The following VPS9D1 variants were observed in gnomAD, a reference collection of about 807,000 sequenced individuals.
VPS9D1 encodes the protein VPS9 domain containing 1.
VPS9D1 carries 78 observed loss-of-function variants against 75.8 expected under a neutral mutation model. The observed-to-expected ratio is 1.03, with a 90% CI of 0.86 to 1.24. The LOEUF (loss-of-function observed/expected upper bound fraction) is 1.24. VPS9D1 is among the 50% of genes most tolerant of loss of function. The pLI, the probability that VPS9D1 is intolerant of heterozygous loss-of-function variation, is 0.00. For synonymous variants in VPS9D1, 481 were observed against 385.6 expected, an observed-to-expected ratio of 1.25 and a Z score of -2.90; for missense variants, 1,057 against 847.7, an observed-to-expected ratio of 1.25 and a Z score of -3.07.
In VPS9D1 at chr16:89,711,432, G is replaced by A. The variant is rs2060917165; in HGVS notation, c.748-20C>T. On this transcript the variant is annotated intron_variant, in intron 8 of 14. Transcript: ENST00000389386. The stretch of plus-strand genomic sequence containing the variant: ...CCAGTCCTACGGGACAGGGGGCCTT[G>A]AAGGAAAGCACGGTGGGTCCGCCAC... 1 of 1,591,896 alleles carries A rather than the reference G, an allele frequency of 6.3e-7. No homozygotes were observed. Among genetic ancestry groups the A allele is most frequent in the African/African-American group, 1.3e-5 (1 of 74,414 alleles).
At position 89,707,945 on chromosome 16, in the gene VPS9D1, G is replaced by A. The variant is rs781264612; in HGVS notation, c.1812C>T (p.Ile604=). ...ATGTGAGGCAGTAGCCCTCCTCTCC[G>A]ATCAGGTACCTGCATGGATGGCAGG... ...LEEFIHEGYL[I]GEEGYCLTSL... Residue 604 remains isoleucine (I), a synonymous_variant, in exon 15 of 15, where the codon ATC becomes ATT. Coordinates refer to ENST00000389386, the MANE Select transcript of VPS9D1 (RefSeq NM_004913.3). The A allele has an allele frequency of 4.0e-5, 65 of 1,612,930 alleles. No homozygotes were observed. Among genetic ancestry groups the A allele is most frequent in the South Asian group, 1.8e-4 (16 of 91,078 alleles).
chr16:89,720,286 G>T, intron 1 of VPS9D1: 1 of 568,104 alleles, frequency 1.8e-6, no homozygotes, highest in Non-Finnish European at 2.2e-6. Context: ...CCCATCTCAG[G>T]AACGGGCCAC....
chr16:89,712,149 T>C, intron 6 of VPS9D1, 50 bp from the exon 7 acceptor site: 1 of 1,546,450 alleles, frequency 6.5e-7, no homozygotes, highest in Non-Finnish European at 8.7e-7. Context: ...GGGCCCTCGG[T>C]TCCCAACCCC....
At chr16:89,716,430 G>C in intron 4 of VPS9D1, 32 bp downstream of exon 4, 2 of 1,612,272 alleles carry the variant, frequency 1.2e-6, no homozygotes, top group Non-Finnish European at 1.7e-6. Context: ...CCAATCCCAG[G>C]CTCATCCCAC....
In VPS9D1 at chr16:89,716,510, G is replaced by C. The variant is rs757852765; in HGVS notation, c.383C>G (p.Pro128Arg). ...EGGKLSPFLP[P>R]EIFQKLQGAE... ...CCCCTGAAGCTTCTGGAAGATCTCGGGTGGCAGAAAAGGAGAGAGCTTTCC... is the reference window on the plus strand; with the variant it reads ...CCCCTGAAGCTTCTGGAAGATCTCGCGTGGCAGAAAAGGAGAGAGCTTTCC... Residue 128 changes from proline (P) to arginine (R), a missense_variant, in exon 4 of 15, where the codon CCC becomes CGC. Coordinates refer to ENST00000389386, the MANE Select transcript of VPS9D1 (RefSeq NM_004913.3). 8.1e-6 allele frequency: 13 copies of C among 1,613,952 alleles called. No homozygotes were observed. In the South Asian group the frequency reaches 8.8e-5, roughly 11 times the overall value.
In VPS9D1 at chr16:89,710,644, C is replaced by T. The variant is rs781207698; in HGVS notation, c.1200G>A (p.Gln400=). The change falls in exon 10 of 15, where the codon CAG becomes CAA. Residue 400 remains glutamine, a synonymous_variant. Coordinates refer to ENST00000389386, the MANE Select transcript of VPS9D1 (RefSeq NM_004913.3). ...TCAGCTGCTGCAGCTGGGGCTCCGG[C>T]TGTACCCCACGGCCCCGGCCCTGCC... ...SERQGRGRGV[Q]PEPQLQQLKT... The T allele has an allele frequency of 1.2e-6, 2 of 1,611,608 alleles. No homozygotes were observed. Among genetic ancestry groups the T allele is most frequent in the Non-Finnish European group, 8.5e-7 (1 of 1,179,144 alleles).
intron 11 of VPS9D1, 54 bp from the exon 12 acceptor site, chr16:89,709,489 A>T: frequency 2.0e-6 from 3 of 1,469,774 alleles, no homozygotes; most frequent in Non-Finnish European, 2.7e-6. Context: ...CCCTGGGGAC[A>T]GAAGCAGGGC....
chr16:89,707,755 G>C lies in VPS9D1; in HGVS notation c.*106C>G. The C allele has an allele frequency of 1.0e-6, 1 of 985,282 alleles. No individual in the cohort carries two copies. Among genetic ancestry groups the C allele is most frequent in the South Asian group, 1.4e-5 (1 of 69,744 alleles). The allele number at this position is 985,282 out of a possible 1,614,324, so 61.0% of individuals were successfully genotyped here. Reference sequence around the variant, plus strand: ...AAGCCCCCACCATGTGCAGAGCAGCGTGAGGCTCCAGGATGGTCCTCAGTA... The same window carrying C: ...AAGCCCCCACCATGTGCAGAGCAGCCTGAGGCTCCAGGATGGTCCTCAGTA... On this transcript the variant is annotated 3_prime_UTR_variant, in exon 15 of 15. Transcript: ENST00000389386.
At position 89,716,517 on chromosome 16, in the gene VPS9D1, G is replaced by T; in HGVS notation, c.376C>A (p.Leu126Met). 1 of 1,614,122 alleles carries T rather than the reference G, an allele frequency of 6.2e-7. No homozygotes were observed. Among genetic ancestry groups the T allele is most frequent in the Non-Finnish European group, 8.5e-7 (1 of 1,180,014 alleles). Residue 126 changes from leucine (L) to methionine (M), a missense_variant, in exon 4 of 15, where the codon CTG (leucine) becomes ATG (methionine). Coordinates refer to ENST00000389386, the MANE Select transcript of VPS9D1 (RefSeq NM_004913.3). ...SDEGGKLSPF[L>M]PPEIFQKLQG... ...AGCTTCTGGAAGATCTCGGGTGGCA[G>T]AAAAGGAGAGAGCTTTCCTCCTTCA...
At chr16:89,717,149 T>A (rs1332340976) in intron 2 of VPS9D1, among the ~76,000 whole-genome samples, 1 of 131,606 alleles carries the variant, frequency 7.6e-6, no homozygotes, top group Non-Finnish European at 1.6e-5. Flanking sequence ...AGCCGACTAT[T>A]CCTCATGGAC....
chr16:89,709,467 C>T, intron 11 of VPS9D1, 32 bp from the exon 12 acceptor site: 1 of 1,493,536 alleles, frequency 6.7e-7, no homozygotes, highest in Non-Finnish European at 8.8e-7. Flanking sequence ...CTAAGCTGCC[C>T]CAGGGACCTT....
At position 89,708,448 on chromosome 16, in the gene VPS9D1, A is replaced by G. The variant is rs752813005; in HGVS notation, c.1781T>C (p.Leu594Pro). Residue 594 changes from leucine (L) to proline (P), a missense_variant, in exon 14 of 15, where the codon CTG (leucine) becomes CCG (proline). Physicochemically the swap from Leu to Pro is moderately conservative, Grantham distance 98. Transcript: ENST00000389386. ...LPQLVSECAALEEFIHEGYLI... is the reference protein window; with the variant it reads ...LPQLVSECAAPEEFIHEGYLI... ...CTACCCCTCGTGGATGAACTCCTCC[A>G]GGGCCGCGCACTCCGACACCAGCTG... is the stretch of plus-strand genomic sequence containing the variant. 4 of 1,612,526 alleles carry G rather than the reference A, an allele frequency of 2.5e-6. No individual in the cohort carries two copies. Among genetic ancestry groups the G allele is most frequent in the East Asian group, 2.2e-5 (1 of 44,870 alleles).
At position 89,720,842 on chromosome 16, in the gene VPS9D1, TC is replaced by T. The variant is rs1420411881; in HGVS notation, c.19del (p.Asp7ThrfsTer4). 7.0e-6 allele frequency: 10 copies of T among 1,425,710 alleles called. No individual in the cohort carries two copies. Among genetic ancestry groups the T allele is most frequent in the South Asian group, 2.8e-5 (2 of 70,306 alleles). 88.3% of individuals were successfully genotyped at this position (1,425,710 alleles called of 1,614,324 possible). On this transcript the variant is annotated frameshift_variant, in exon 1 of 15. Transcript: ENST00000389386. LOFTEE classifies it high-confidence loss of function. ...GCTCTGCAGCGGCTTCACCGTGCCG[TC>T]CCCGGCCGCAGCGGCCATGGCGCCG... Reference protein sequence around the residue: MAAAAGDGTVKPLQSAM... With the variant: MAAAAGXGTVKPLQSAM...
chr16:89,711,221 G>C (rs1433941064), intron 9 of VPS9D1, 106 bp downstream of exon 9: 8 of 1,316,116 alleles, frequency 6.1e-6, no homozygotes, highest in African/African-American at 1.5e-5. Context: ...ACGTGGCCGG[G>C]CACAGGCTCC....
Position 89,716,754 on chromosome 16 carries a change from C to T in VPS9D1, c.244G>A (p.Ala82Thr). 3.8e-6 allele frequency: 6 copies of T among 1,590,556 alleles called. No homozygotes were observed. Among genetic ancestry groups the T allele is most frequent in the Non-Finnish European group, 4.3e-6 (5 of 1,169,538 alleles). The stretch of plus-strand genomic sequence containing the variant: ...CCAAGCTTGGCGGCCGTCGACTGGG[C>T]CCTCTCCAGACACTGCTGTGCTAGC... ...LKLAQQCLER[A>T]QSTAAKLGKT... The change falls in exon 3 of 15, where the codon GCC becomes ACC. Residue 82 changes from alanine (A) to threonine (T), a missense_variant. Coordinates refer to ENST00000389386, the MANE Select transcript of VPS9D1 (RefSeq NM_004913.3).
intron 13 of VPS9D1, 71 bp from the exon 14 acceptor site, chr16:89,708,602 A>T (rs1350458605): frequency 6.7e-7 from 1 of 1,496,396 alleles, no homozygotes; most frequent in African/African-American, 1.4e-5. Flanking sequence ...GCAGCTGTGG[A>T]GCCATCCTGG....
intron 2 of VPS9D1, chr16:89,718,192 T>C (rs1022052088): frequency 7.5e-6 from 3 of 399,770 alleles, no homozygotes; most frequent in African/African-American, 4.1e-5. Flanking sequence ...AGTTTGCTCC[T>C]GCCCCATCTG....
chr16:89,712,512 A>G lies in VPS9D1; in HGVS notation c.554T>C (p.Leu185Pro). 2 of 1,612,796 alleles carry G rather than the reference A, an allele frequency of 1.2e-6. No individual in the cohort carries two copies. The highest frequency in any genetic ancestry group is 1.7e-6 in the Non-Finnish European group (2 of 1,179,914). The stretch of plus-strand genomic sequence containing the variant: ...TAGGTTCTCCATCATCTGCCGCTGT[A>G]GAGAGAGGGTCTGGGGGGGGAGGAG... ...AMQKTSLTLS[L>P]QRQMMENLVI... Residue 185 changes from leucine to proline, a missense_variant, in exon 6 of 15, where the codon CTA becomes CCA. By Grantham distance (98) the Leu-to-Pro change is moderately conservative (BLOSUM62 -3). Coordinates refer to ENST00000389386, the MANE Select transcript of VPS9D1 (RefSeq NM_004913.3).
chr16:89,708,671 A>AC, intron 13 of VPS9D1, 140 bp from the exon 14 acceptor site: 1 of 1,119,546 alleles, frequency 8.9e-7, no homozygotes, highest in Non-Finnish European at 1.3e-6. Flanking sequence ...GCAGCTGGGC[A>AC]TGGTGAGGCT....
Sources: gnomAD v4.1 joint callset for allele counts (sites outside exome capture counted in the v4.1 genomes callset) on GRCh38, gnomAD v4.1.1 for gene constraint, MANE v1.5 for transcripts, NCBI Gene and HGNC (gene_info 2026-07-23, HGNC 2026-07-21) for gene names.